PRRG2: variants seen among roughly 807,000 people sequenced by gnomAD.
The protein encoded by PRRG2 is proline rich and Gla domain 2.
A neutral mutation model predicts 27.1 loss-of-function variants in PRRG2; 23 were observed. That is an observed-to-expected ratio of 0.85 (90% CI 0.61 to 1.20). The LOEUF (loss-of-function observed/expected upper bound fraction) is 1.20. PRRG2 is among the 50% of genes most tolerant of loss of function. The probability of loss-of-function intolerance (pLI) is 0.00; values close to 1 mark genes in which losing one functional copy is unlikely to be tolerated. For synonymous variants in PRRG2, 104 were observed against 103.4 expected (o/e 1.01, Z -0.03); for missense variants, 276 against 254.8 (o/e 1.08, Z -0.57).
At chr19:49,584,274 C>T (rs1407842780) in intron 4 of PRRG2, among the ~76,000 whole-genome samples, 3 of 151,630 alleles carry the variant, frequency 2.0e-5, no homozygotes, top group African/African-American at 7.3e-5. Flanking sequence ...GGGTTCACGC[C>T]ATTCTCCTGC....
chr19:49,583,234 C>T lies in PRRG2; in HGVS notation c.15C>T (p.Pro5=), dbSNP rs774153958. ...GTCTGGAAAATATGAGGGGCCACCC[C>T]TCTCTGCTGCTGCTATATATGGCAT... MRGH[P]SLLLLYMALT... The change falls in exon 2 of 7, where the codon CCC becomes CCT. Residue 5 remains proline, a synonymous_variant. Coordinates refer to ENST00000246794, the MANE Select transcript of PRRG2 (RefSeq NM_000951.3). 444 of 1,613,988 alleles carry T rather than the reference C, an allele frequency of 2.8e-4. 3 individuals are homozygous for T. Among genetic ancestry groups the T allele is most frequent in the Non-Finnish European group, 1.2e-5 (14 of 1,180,000 alleles).
At chr19:49,583,168 G>A in intron 1 of PRRG2, 39 bp from the exon 2 acceptor site, 1 of 1,547,142 alleles carries the variant, frequency 6.5e-7, no homozygotes, top group Admixed American at 1.7e-5. Context: ...ATTACCCAGG[G>A]ACTAAGGCCC....
At chr19:49,586,569 C>T (rs1264323973) in intron 4 of PRRG2, among the ~76,000 whole-genome samples, 2 of 151,246 alleles carry the variant, frequency 1.3e-5, no homozygotes, top group Non-Finnish European at 3.0e-5. Flanking sequence ...ACATTTTTTT[C>T]CAGCTGGGTG....
chr19:49,585,527 G>A (rs541183383), intron 4 of PRRG2, among the ~76,000 whole-genome samples: 8 of 152,332 alleles, frequency 5.3e-5, no homozygotes, highest in South Asian at 4.1e-4. Context: ...GTCAGATGTG[G>A]TGGCTCATGC....
intron 1 of PRRG2, among the ~76,000 whole-genome samples, 170 bp from the exon 2 acceptor site, chr19:49,583,037 A>T (rs888704605): frequency 3.9e-5 from 6 of 152,124 alleles, no homozygotes; most frequent in Admixed American, 2.0e-4. Context: ...TGTCAAAAAA[A>T]AAAAAAAGTA....
intron 4 of PRRG2, among the ~76,000 whole-genome samples, chr19:49,587,932 G>C (rs2080683459): frequency 7.0e-6 from 1 of 143,376 alleles, no homozygotes; most frequent in African/African-American, 2.8e-5. Flanking sequence ...ACATAGTTTT[G>C]TTTTTTTGGT....
At position 49,590,507 on chromosome 19, in the gene PRRG2, G is replaced by A. The variant is rs1367002284; in HGVS notation, c.*118G>A. 2 of 1,425,558 alleles carry A rather than the reference G, an allele frequency of 1.4e-6. No individual in the cohort carries two copies. Among genetic ancestry groups the A allele is most frequent in the Non-Finnish European group, 1.9e-6 (2 of 1,027,434 alleles). 88.3% of individuals were successfully genotyped at this position (1,425,558 alleles called of 1,614,324 possible). A position where few individuals can be genotyped will look rare whatever the true frequency, so the allele number is the denominator to read the frequency against. On this transcript the variant is annotated 3_prime_UTR_variant, in exon 7 of 7. Transcript: ENST00000246794. ...CTTGGAGTGGGGAATGGTGGGAGTA[G>A]GGGTCATCCGGCCCGAGGCCTGCCC...
chr19:49,589,940 G>A lies in PRRG2; in HGVS notation c.478G>A (p.Gly160Ser), dbSNP rs543849993. 1.9e-6 allele frequency: 3 copies of A among 1,610,358 alleles called. No individual in the cohort carries two copies. The highest frequency in any genetic ancestry group is 2.7e-5 in the African/African-American group (2 of 74,828). Residue 160 changes from glycine (G) to serine (S), a missense_variant, in exon 6 of 7, where the codon GGC becomes AGC. Coordinates refer to ENST00000246794, the MANE Select transcript of PRRG2 (RefSeq NM_000951.3). ...CCCTCTGAGTCCTTTGAACCCTCTG[G>A]GCCCACCGACGCCCCTGCCTCCACC... ...ISPLSPLNPL[G>S]PPTPLPPPPP...
intron 1 of PRRG2, among the ~76,000 whole-genome samples, chr19:49,581,834 G>A (rs1217960252): frequency 6.6e-6 from 1 of 152,094 alleles, no homozygotes; most frequent in Non-Finnish European, 1.5e-5. Context: ...CTTCTCTGGC[G>A]GACACTGCCT....
chr19:49,588,567 C>T lies in PRRG2; in HGVS notation c.372C>T (p.Ala124=), dbSNP rs749794819. 1.4e-5 allele frequency: 22 copies of T among 1,561,264 alleles called. No homozygotes were observed. The highest frequency in any genetic ancestry group is 8.2e-5 in the African/African-American group (6 of 73,480). ...GTGGCATCCTGCTCATTGTCCTGGC[C>T]GGCCTGGGAGCCTTTTGGTATCTGC... ...LTGGILLIVL[A]GLGAFWYLRW... Residue 124 remains alanine (A), a synonymous_variant, in exon 5 of 7, where the codon GCC becomes GCT. Transcript: ENST00000246794.
intron 1 of PRRG2, among the ~76,000 whole-genome samples, chr19:49,581,894 G>C (rs1036754002): frequency 6.6e-6 from 1 of 152,096 alleles, no homozygotes; most frequent in African/African-American, 2.4e-5. Flanking sequence ...CCTTCGGCAA[G>C]CTATATTACC....
At chr19:49,581,113 C>T (rs563079083), upstream of PRRG2, among the ~76,000 whole-genome samples, 1 of 152,234 alleles carries the variant, frequency 6.6e-6, no homozygotes, top group Non-Finnish European at 1.5e-5. Context: ...ATTTTTCTAG[C>T]TCGGACAGAC....
chr19:49,588,450 G>T, intron 4 of PRRG2, 47 bp from the exon 5 acceptor site: 1 of 1,551,914 alleles, frequency 6.4e-7, no homozygotes. Flanking sequence ...TGTTGGGGTG[G>T]GTGGCAGTCC....
In PRRG2 at chr19:49,581,405, C is replaced by G. The variant is rs917280388; in HGVS notation, c.-90C>G. On this transcript the variant is annotated 5_prime_UTR_variant, in exon 1 of 7. Transcript: ENST00000246794. ...CTTATCCCCTCCCCTCTTCCCTGTC[C>G]CCTTTCACAGCTGGCTGTAGCTGGC... 2 of 152,370 alleles carry G rather than the reference C, an allele frequency of 1.3e-5. No individual in the cohort carries two copies. The highest frequency in any genetic ancestry group is 4.8e-5 in the African/African-American group (2 of 41,454). 9.4% of individuals were successfully genotyped at this position (152,370 alleles called of 1,614,324 possible). A position where few individuals can be genotyped will look rare whatever the true frequency, so the allele number is the denominator to read the frequency against.
In PRRG2 at chr19:49,585,197, C is replaced by G. The variant is rs191912773; in HGVS notation, c.301+1245C>G. Among the ~76,000 whole-genome samples, 13 of 152,312 alleles carry G rather than the reference C, an allele frequency of 8.5e-5. No individual in the cohort carries two copies. In the East Asian group the frequency reaches 2.3e-3, roughly 27 times the overall value. On this transcript the variant is annotated intron_variant, in intron 4 of 6. Transcript: ENST00000246794. ...TGCCTGGTTGCTAAGGAGGCCTTCT[C>G]CCTAGCAACCACACCTAGCCAGGCT...
intron 5 of PRRG2, 48 bp from the exon 6 acceptor site, chr19:49,589,852 A>G: frequency 6.3e-7 from 1 of 1,594,050 alleles, no homozygotes; most frequent in Non-Finnish European, 8.6e-7. Flanking sequence ...TCCCTAGTCT[A>G]GGTATCCTGT....
intron 4 of PRRG2, 31 bp downstream of exon 4, chr19:49,583,983 G>A (rs1370732384): frequency 1.2e-6 from 2 of 1,602,178 alleles, no homozygotes; most frequent in Non-Finnish European, 1.7e-6. Context: ...ATCTTGTTCT[G>A]TGCAGCTAAG....
At chr19:49,586,355 G>A (rs1262100704) in intron 4 of PRRG2, among the ~76,000 whole-genome samples, 1 of 150,478 alleles carries the variant, frequency 6.6e-6, no homozygotes, top group African/African-American at 2.4e-5. Context: ...CCAAAGTGCT[G>A]GAATTACAAG....
chr19:49,590,234 C>A, intron 6 of PRRG2, 137 bp from the exon 7 acceptor site: 3 of 1,455,740 alleles, frequency 2.1e-6, no homozygotes, highest in Non-Finnish European at 2.9e-6. Flanking sequence ...ATGTGTGGAG[C>A]CGTATAGGAG....
Sources: gnomAD v4.1 joint callset for allele counts (sites outside exome capture counted in the v4.1 genomes callset) on GRCh38, gnomAD v4.1.1 for gene constraint, MANE v1.5 for transcripts, NCBI Gene and HGNC (gene_info 2026-07-23, HGNC 2026-07-21) for gene names.